The following PARK7 variants were observed in gnomAD, a reference collection of about 807,000 sequenced individuals.
PARK7 encodes Parkinson disease protein 7.
A neutral mutation model predicts 20.5 loss-of-function variants in PARK7; 14 were observed. The ratio of observed to expected loss-of-function variants is 0.68; its 90% confidence interval spans 0.45 to 1.07. PARK7 has a LOEUF of 1.07. PARK7 is among the 50% of genes least tolerant of loss of function. The pLI, the probability that PARK7 is intolerant of heterozygous loss-of-function variation, is 0.00. For missense variants in PARK7, 234 were observed against 238.1 expected (o/e 0.98, Z 0.11); for synonymous variants, 98 against 84.3 (o/e 1.16, Z -0.89).
intron 5 of PARK7, among the ~76,000 whole-genome samples, chr1:7,975,146 A>G (rs940214229): frequency 3.3e-5 from 5 of 152,084 alleles, no homozygotes; most frequent in Admixed American, 2.6e-4. Flanking sequence ...GAGCCACCGC[A>G]CCCAGCCAAG....
At position 7,969,360 on chromosome 1, in the gene PARK7, G is replaced by A. The variant is rs200113696; in HGVS notation, c.208G>A (p.Val70Met). ...ACTGTTACAGGGACCATATGATGTG[G>A]TGGTTCTACCAGGAGGTAATCTGGG... ...DAKKEGPYDV[V>M]VLPGGNLGAQ... Residue 70 changes from valine (V) to methionine (M), a missense_variant, in exon 4 of 7, where the codon GTG (valine) becomes ATG (methionine). Val to Met is a conservative substitution (Grantham distance 21). Coordinates refer to ENST00000338639, the MANE Select transcript of PARK7 (RefSeq NM_007262.5). The A allele has an allele frequency of 5.0e-6, 8 of 1,610,556 alleles. No homozygotes were observed. In the East Asian group the frequency reaches 1.1e-4, roughly 22 times the overall value.
intron 1 of PARK7, among the ~76,000 whole-genome samples, chr1:7,962,506 A>G (rs1253626936): frequency 1.3e-5 from 2 of 152,196 alleles, no homozygotes; most frequent in Non-Finnish European, 2.9e-5. Flanking sequence ...TTAAGAGAAC[A>G]TGGTAGAAGA....
intron 3 of PARK7, among the ~76,000 whole-genome samples, chr1:7,968,530 T>G (rs1640378784): frequency 6.6e-6 from 1 of 152,074 alleles, no homozygotes; most frequent in South Asian, 2.1e-4. Flanking sequence ...TTTATTTGTT[T>G]TTTTAGACAG....
Position 7,965,324 on chromosome 1 carries a change from A to G in PARK7, c.91A>G (p.Ile31Val), listed in dbSNP as rs749054218. ...IPVDVMRRAG[I>V]KVTVAGLAGK... Reference sequence around the variant, plus strand: ...AAATATGATAACATCTTTCTCGTAGATTAAGGTCACCGTTGCAGGCCTGGC... The same window carrying G: ...AAATATGATAACATCTTTCTCGTAGGTTAAGGTCACCGTTGCAGGCCTGGC... The change falls in exon 3 of 7, where the codon ATT (isoleucine) becomes GTT (valine). Residue 31 changes from isoleucine (I) to valine (V), a missense_variant and splice_region_variant. By Grantham distance (29) the Ile-to-Val change is conservative. Coordinates refer to ENST00000338639, the MANE Select transcript of PARK7 (RefSeq NM_007262.5). 4 of 1,613,540 alleles carry G rather than the reference A, an allele frequency of 2.5e-6. No individual in the cohort carries two copies. Among genetic ancestry groups the G allele is most frequent in the Non-Finnish European group, 2.5e-6 (3 of 1,179,512 alleles).
At position 7,962,740 on chromosome 1, in the gene PARK7, CTT is replaced by C. The variant is rs370370394; in HGVS notation, c.-23-5_-23-4del. On this transcript the variant is annotated intron_variant, in intron 1 of 6. Coordinates refer to ENST00000338639, the MANE Select transcript of PARK7 (RefSeq NM_007262.5). ...GGTTGCAATGAAAGTTTTTTGAAAT[CTT>C]TTTTTTTTTTTTTTTTTAAGGCTTG... The C allele has an allele frequency of 0.033, 37,000 of 1,107,842 alleles. No homozygotes were observed. Among genetic ancestry groups the C allele is most frequent in the East Asian group, 0.037 (1,294 of 34,880 alleles). The allele number at this position is 1,107,842 out of a possible 1,614,324, so 68.6% of individuals were successfully genotyped here.
chr1:7,982,691 GC>G (rs1640737367), intron 6 of PARK7, among the ~76,000 whole-genome samples: 1 of 152,166 alleles, frequency 6.6e-6, no homozygotes, highest in East Asian at 1.9e-4. Flanking sequence ...GGAAGACCTA[GC>G]CCAGCCAGTT....
At chr1:7,967,037 A>G (rs865957911) in intron 3 of PARK7, among the ~76,000 whole-genome samples, 14 of 152,132 alleles carry the variant, frequency 9.2e-5, no homozygotes, top group Admixed American at 6.6e-4. Context: ...ATAATTTTGT[A>G]TCTTTTAACA....
chr1:7,976,966 C>T (rs751351662), intron 5 of PARK7, among the ~76,000 whole-genome samples: 4 of 152,178 alleles, frequency 2.6e-5, no homozygotes, highest in African/African-American at 7.2e-5. Context: ...ATGATCCAGC[C>T]GCCTTGGCCT....
Position 7,984,916 on chromosome 1 carries a change from T to C in PARK7, c.432T>C (p.Asn144=). The part of the protein sequence containing the change: ...MNGGHYTYSE[N]RVEKDGLILT... ...CAGGTCATTACACCTACTCTGAGAATCGTGTGGAAAAAGACGGCCTGATTC... is the reference window on the plus strand; with the variant it reads ...CAGGTCATTACACCTACTCTGAGAACCGTGTGGAAAAAGACGGCCTGATTC... Residue 144 remains asparagine (N), a synonymous_variant, in exon 7 of 7, where the codon AAT becomes AAC. Coordinates refer to ENST00000338639, the MANE Select transcript of PARK7 (RefSeq NM_007262.5). This position sits in a 1 kb window ranked among gnomAD's most constrained non-coding sequence, Gnocchi z 4.3. The C allele has an allele frequency of 6.2e-7, 1 of 1,614,160 alleles. No individual in the cohort carries two copies. The highest frequency in any genetic ancestry group is 2.2e-5 in the East Asian group (1 of 44,888).
intron 2 of PARK7, among the ~76,000 whole-genome samples, chr1:7,963,340 C>T (rs1186435134): frequency 6.6e-6 from 1 of 151,884 alleles, no homozygotes; most frequent in Non-Finnish European, 1.5e-5. Context: ...GTTAGGACTA[C>T]AGGCGTGAGC....
chr1:7,973,907 C>CAAA (rs781083944), intron 5 of PARK7, among the ~76,000 whole-genome samples: 2 of 74,328 alleles, frequency 2.7e-5, no homozygotes, highest in African/African-American at 4.1e-5. Context: ...GACTTCGTTT[C>CAAA]AAAAAAAAAA....
intron 6 of PARK7, among the ~76,000 whole-genome samples, chr1:7,978,712 G>A (rs540958054): frequency 6.6e-5 from 10 of 152,252 alleles, no homozygotes; most frequent in Non-Finnish European, 1.5e-4. Flanking sequence ...CAGGCATGGT[G>A]ATGCACACTG....
chr1:7,983,970 A>G (rs756888913), intron 6 of PARK7, among the ~76,000 whole-genome samples: 13 of 152,222 alleles, frequency 8.5e-5, no homozygotes, highest in South Asian at 2.1e-4. Context: ...GATTGTATCA[A>G]TGCTGCGAGG....
At chr1:7,983,286 C>T (rs1363850635) in intron 6 of PARK7, among the ~76,000 whole-genome samples, 3 of 152,330 alleles carry the variant, frequency 2.0e-5, no homozygotes, top group East Asian at 1.9e-4. Flanking sequence ...CCTGCGTGGC[C>T]GGTGCATCAG....
rs374429170 is a variant in PARK7, at chr1:7,962,867, C to T, written c.82C>T (p.Arg28Ter). 5.6e-6 allele frequency: 9 copies of T among 1,612,268 alleles called. No homozygotes were observed. Among genetic ancestry groups the T allele is most frequent in the Middle Eastern group, 1.7e-4 (1 of 6,054 alleles). Reference sequence around the variant, plus strand: ...GGTCATCCCTGTAGATGTCATGAGGCGAGCTGGGGTAAGTCCCACATCGAT... The same window carrying T: ...GGTCATCCCTGTAGATGTCATGAGGTGAGCTGGGGTAAGTCCCACATCGAT... ...ETVIPVDVMR[R>*]AGIKVTVAGL... Residue 28 changes from arginine (R) to a stop codon, truncating the protein, a stop_gained, in exon 2 of 7, where the codon CGA becomes TGA. Transcript: ENST00000338639. LOFTEE classifies it high-confidence loss of function.
chr1:7,973,856 C>T (rs1383635821), intron 5 of PARK7, among the ~76,000 whole-genome samples: 5 of 149,694 alleles, frequency 3.3e-5, no homozygotes, highest in Admixed American at 6.7e-5. Context: ...TGCAGTGAGC[C>T]GAGATCGTGC....
intron 6 of PARK7, among the ~76,000 whole-genome samples, chr1:7,983,456 C>G (rs1190235781): frequency 1.3e-5 from 2 of 152,226 alleles, no homozygotes; most frequent in African/African-American, 2.4e-5. Flanking sequence ...TCATTGCAAA[C>G]CTCCATTTCC....
chr1:7,976,865 C>T lies in PARK7; in HGVS notation c.323-787C>T, dbSNP rs903528457. Among the ~76,000 whole-genome samples, 16 of 152,114 alleles carry T rather than the reference C, an allele frequency of 1.1e-4. 1 individual carries two copies. Among genetic ancestry groups the T allele is most frequent in the Admixed American group, 5.2e-4 (8 of 15,266 alleles). On this transcript the variant is annotated intron_variant, in intron 5 of 6. Coordinates refer to ENST00000338639, the MANE Select transcript of PARK7 (RefSeq NM_007262.5). ...CCTCCCGAGTAGCTGGGACTACAGG[C>T]GCCCGCCACCACGCACAGCTAATTT...
At chr1:7,978,634 C>G (rs118108671) in intron 6 of PARK7, among the ~76,000 whole-genome samples, 100,072 of 151,428 alleles carry the variant, frequency 0.66, 34,253 homozygotes, top group African/African-American at 0.85. Context: ...GCTTGAGCCC[C>G]GAGTTCGAGA....
Sources: gnomAD v4.1 joint callset for allele counts (sites outside exome capture counted in the v4.1 genomes callset) on GRCh38, gnomAD v4.1.1 for gene constraint, Gnocchi (gnomAD v3.1) non-coding constraint, MANE v1.5 for transcripts, NCBI Gene and HGNC (gene_info 2026-07-23, HGNC 2026-07-21) for gene names.